MTOR: variants seen among roughly 807,000 people sequenced by gnomAD.
MTOR encodes serine/threonine-protein kinase mTOR.
Under a neutral mutation model 319.8 loss-of-function variants are expected in MTOR, and 70 were observed. The observed-to-expected ratio is 0.22, with a 90% CI of 0.18 to 0.27. MTOR has a LOEUF of 0.27. MTOR is among the 10% of genes least tolerant of loss of function. MTOR has a pLI of 1.00. For synonymous variants in MTOR, 1,183 were observed against 1,211.4 expected (o/e 0.98, Z 0.49); for missense variants, 1,890 against 3,274.4 (o/e 0.58, Z 10.32).
intron 30 of MTOR, among the ~76,000 whole-genome samples, chr1:11,154,141 A>G (rs1644244618): frequency 6.7e-6 from 1 of 148,306 alleles, no homozygotes; most frequent in African/African-American, 2.5e-5. Context: ...TGGACAATAC[A>G]GCTTTAGATA....
At position 11,121,736 on chromosome 1, in the gene MTOR, T is replaced by C. The variant is rs950865584; in HGVS notation, c.6810+243A>G. Among the ~76,000 whole-genome samples the C allele has an allele frequency of 2.6e-5, 4 of 152,224 alleles. No homozygotes were observed. Among genetic ancestry groups the C allele is most frequent in the African/African-American group, 9.6e-5 (4 of 41,464 alleles). ...TGCTTTGTATACATTAGTAAATATA[T>C]GGTGCCGAATATTTATCTGTCTAGT... On this transcript the variant is annotated intron_variant, in intron 48 of 57. Coordinates refer to ENST00000361445, the MANE Select transcript of MTOR (RefSeq NM_004958.4). This position sits in a 1 kb window ranked among gnomAD's most constrained non-coding sequence, Gnocchi z 4.9.
intron 46 of MTOR, among the ~76,000 whole-genome samples, chr1:11,125,852 C>A (rs1002782467): frequency 2.6e-5 from 4 of 151,590 alleles, no homozygotes; most frequent in Admixed American, 2.6e-4. Flanking sequence ...ACCAGCCTGG[C>A]CAACATGGTG....
chr1:11,124,298 C>T (rs1377410278), intron 47 of MTOR, among the ~76,000 whole-genome samples, 200 bp downstream of exon 47: 1 of 152,138 alleles, frequency 6.6e-6, no homozygotes, highest in Non-Finnish European at 1.5e-5. Flanking sequence ...TCACAGCTCA[C>T]TGCAGCCTTG....
intron 30 of MTOR, among the ~76,000 whole-genome samples, chr1:11,152,715 T>C (rs529367053): frequency 6.6e-6 from 1 of 152,312 alleles, no homozygotes; most frequent in East Asian, 1.9e-4. Context: ...CTCCAGATCA[T>C]TCTTCATGTC....
intron 8 of MTOR, among the ~76,000 whole-genome samples, chr1:11,245,209 A>G (rs929638662): frequency 1.3e-5 from 2 of 152,210 alleles, no homozygotes; most frequent in Non-Finnish European, 2.9e-5. Context: ...AATCCAAGCT[A>G]AAGTGTTATT....
chr1:11,162,155 G>A (rs61773694), intron 29 of MTOR, among the ~76,000 whole-genome samples: 8 of 152,204 alleles, frequency 5.3e-5, no homozygotes, highest in Admixed American at 2.6e-4. Context: ...TTCAGTAGCC[G>A]ATTTGATCAA....
chr1:11,226,037 C>A (rs754393478), intron 19 of MTOR, among the ~76,000 whole-genome samples: 2 of 152,004 alleles, frequency 1.3e-5, no homozygotes, highest in South Asian at 4.1e-4. Context: ...GACATAAGAT[C>A]GAAATTTAAA....
intron 6 of MTOR, among the ~76,000 whole-genome samples, chr1:11,250,703 C>G (rs892673172): frequency 1.3e-5 from 2 of 152,188 alleles, no homozygotes; most frequent in African/African-American, 4.8e-5. Flanking sequence ...AGCTCTCTCC[C>G]CAGAACTATT....
chr1:11,197,762 C>T (rs1448336123), intron 28 of MTOR, among the ~76,000 whole-genome samples: 1 of 152,158 alleles, frequency 6.6e-6, no homozygotes, highest in Non-Finnish European at 1.5e-5. Context: ...AGGCTGGTCT[C>T]GAACTCCTGA....
At chr1:11,123,960 G>T (rs1316193705) in intron 47 of MTOR, among the ~76,000 whole-genome samples, 1 of 152,064 alleles carries the variant, frequency 6.6e-6, no homozygotes, top group African/African-American at 2.4e-5. Flanking sequence ...GCTAATTTTT[G>T]TATTTTTAGT....
Position 11,133,280 on chromosome 1 carries a change from T to G in MTOR, c.5247-83A>C. On this transcript the variant is annotated intron_variant, in intron 37 of 57. Transcript: ENST00000361445. The surrounding 1 kb of genome is among the most constrained non-coding windows in gnomAD (Gnocchi z 4.0). ...AGGACCACAAATTGTTAGGGGACAC[T>G]GAAGCCCTTCTGGTATTTCCTCTTA... 2.5e-6 allele frequency: 3 copies of G among 1,193,746 alleles called. No homozygotes were observed. Among genetic ancestry groups the G allele is most frequent in the Non-Finnish European group, 3.7e-6 (3 of 808,748 alleles). The allele number at this position is 1,193,746 out of a possible 1,614,324, so 73.9% of individuals were successfully genotyped here.
At chr1:11,165,583 C>T (rs4385714) in intron 29 of MTOR, among the ~76,000 whole-genome samples, 8,893 of 151,668 alleles carry the variant, frequency 0.059, 360 homozygotes, top group South Asian at 0.12. Context: ...CACTGCTCAA[C>T]GAAATAAAAG....
At chr1:11,163,422 G>A (rs965251046) in intron 29 of MTOR, among the ~76,000 whole-genome samples, 13 of 152,064 alleles carry the variant, frequency 8.5e-5, no homozygotes, top group East Asian at 1.9e-4. Context: ...TCAGCTCTGC[G>A]CCAAGTGGAC....
chr1:11,256,084 T>C lies in MTOR; in HGVS notation c.613A>G (p.Ile205Val), dbSNP rs1010800248. The change falls in exon 5 of 58, where the codon ATC becomes GTC. Residue 205 changes from isoleucine (I) to valine (V), a missense_variant. Physicochemically the swap from Ile to Val is conservative, Grantham distance 29 (BLOSUM62 3). Coordinates refer to ENST00000361445, the MANE Select transcript of MTOR (RefSeq NM_004958.4). ...FVAVWDPKQA[I>V]REGAVAALRA... ...AGGGCGGCTACAGCTCCCTCACGGA[T>C]GGCCTGTTTGGGGTCCCACACGGCC... 2 of 1,614,154 alleles carry C rather than the reference T, an allele frequency of 1.2e-6. No homozygotes were observed. Among genetic ancestry groups the C allele is most frequent in the South Asian group, 1.1e-5 (1 of 91,086 alleles).
intron 8 of MTOR, among the ~76,000 whole-genome samples, chr1:11,243,805 T>A (rs1430758890): frequency 6.6e-6 from 1 of 152,160 alleles, no homozygotes; most frequent in Admixed American, 6.5e-5. Context: ...GAAATATATG[T>A]CAAACCTTGT....
chr1:11,180,920 G>A (rs182868874), intron 28 of MTOR, among the ~76,000 whole-genome samples: 2 of 152,226 alleles, frequency 1.3e-5, no homozygotes, highest in Admixed American at 6.5e-5. Context: ...GGGACTACAG[G>A]AGTGTGCCAC....
intron 30 of MTOR, among the ~76,000 whole-genome samples, chr1:11,155,215 G>A (rs1326262339): frequency 2.0e-5 from 3 of 152,110 alleles, no homozygotes; most frequent in Admixed American, 2.0e-4. Context: ...ATATCATGCA[G>A]CTATTAAAAA....
At chr1:11,163,162 A>G (rs1359571646) in intron 29 of MTOR, among the ~76,000 whole-genome samples, 2 of 152,220 alleles carry the variant, frequency 1.3e-5, no homozygotes, top group African/African-American at 2.4e-5. Context: ...CAGACTTTAA[A>G]CCAACAAAGA....
chr1:11,183,253 T>C (rs1407014505), intron 28 of MTOR, among the ~76,000 whole-genome samples: 2 of 152,210 alleles, frequency 1.3e-5, no homozygotes, highest in East Asian at 3.9e-4. Context: ...ATAAGCCTTT[T>C]GGATATCTTT....
Sources: allele counts gnomAD v4.1 joint callset (sites outside exome capture counted in the v4.1 genomes callset), GRCh38; gene constraint gnomAD v4.1.1; non-coding constraint Gnocchi (gnomAD v3.1); transcripts MANE v1.5; gene names NCBI Gene and HGNC (gene_info 2026-07-23, HGNC 2026-07-21).